TWSG1: variants seen among roughly 807,000 people sequenced by gnomAD.
TWSG1 encodes twisted gastrulation protein homolog 1.
A neutral mutation model predicts 23.0 loss-of-function variants in TWSG1; 15 were observed. The observed-to-expected ratio is 0.65, with a 90% CI of 0.44 to 1.00. TWSG1 has a LOEUF of 1.00. TWSG1 is among the 50% of genes least tolerant of loss of function. The pLI, the probability that TWSG1 is intolerant of heterozygous loss-of-function variation, is 0.00. For missense variants in TWSG1, 242 were observed against 278.7 expected, an observed-to-expected ratio of 0.87 and a Z score of 0.94; for synonymous variants, 86 against 92.8, an observed-to-expected ratio of 0.93 and a Z score of 0.42.
chr18:9,345,705 C>G (rs1235244819), intron 2 of TWSG1, among the ~76,000 whole-genome samples: 2 of 152,056 alleles, frequency 1.3e-5, no homozygotes, highest in Non-Finnish European at 2.9e-5. Flanking sequence ...CAACTTTGTA[C>G]TTTTTCAAGA....
chr18:9,351,087 C>G (rs8097654), intron 2 of TWSG1, among the ~76,000 whole-genome samples: 1 of 151,850 alleles, frequency 6.6e-6, no homozygotes, highest in Non-Finnish European at 1.5e-5. Context: ...TAGCTCAAGA[C>G]ATTATAAATA....
chr18:9,374,401 C>A (rs1185924361), intron 3 of TWSG1, among the ~76,000 whole-genome samples: 2 of 152,164 alleles, frequency 1.3e-5, no homozygotes, highest in Non-Finnish European at 2.9e-5. Context: ...GCTATGAAAA[C>A]TCTTTGCCCA....
At chr18:9,349,915 G>T (rs971543524) in intron 2 of TWSG1, among the ~76,000 whole-genome samples, 1 of 152,196 alleles carries the variant, frequency 6.6e-6, no homozygotes, top group East Asian at 1.9e-4. Context: ...GCTGAGGCGG[G>T]CAGGTCACAA....
intron 3 of TWSG1, among the ~76,000 whole-genome samples, chr18:9,361,366 C>A (rs1048538441): frequency 7.2e-5 from 11 of 152,190 alleles, no homozygotes; most frequent in African/African-American, 2.7e-4. Context: ...CTACTCCTTG[C>A]ATGATTTCCA....
At chr18:9,390,470 CTTT>C (rs1222358272) in intron 3 of TWSG1, among the ~76,000 whole-genome samples, 18 of 151,964 alleles carry the variant, frequency 1.2e-4, no homozygotes, top group African/African-American at 2.4e-5. Context: ...CTTCTTTCTT[CTTT>C]TTTTAAATAG....
At chr18:9,359,799 A>C (rs898657332) in intron 2 of TWSG1, among the ~76,000 whole-genome samples, 173 bp from the exon 3 acceptor site, 1 of 152,242 alleles carries the variant, frequency 6.6e-6, no homozygotes, top group Non-Finnish European at 1.5e-5. Flanking sequence ...AAAAAAATCT[A>C]CGTGACATTG....
In TWSG1 at chr18:9,402,316, G is replaced by T. The variant is rs1219978681; in HGVS notation, c.*2789G>T. On this transcript the variant is annotated 3_prime_UTR_variant, in exon 5 of 5. Transcript: ENST00000262120. Reference sequence around the variant, plus strand: ...TGAAATCTATTCTGCATTCCCAAGAGTTTATGTTTATTGTATTTTATATGA... The same window carrying T: ...TGAAATCTATTCTGCATTCCCAAGATTTTATGTTTATTGTATTTTATATGA... The T allele has an allele frequency of 6.6e-6, 1 of 151,990 alleles. No individual in the cohort carries two copies. The highest frequency in any genetic ancestry group is 1.5e-5 in the Non-Finnish European group (1 of 67,976). The allele number at this position is 151,990 out of a possible 1,614,324, so 9.4% of individuals were successfully genotyped here.
intron 3 of TWSG1, among the ~76,000 whole-genome samples, chr18:9,379,590 A>G (rs1475120186): frequency 6.6e-6 from 1 of 152,216 alleles, no homozygotes; most frequent in Admixed American, 6.5e-5. Context: ...GTGATGAAAT[A>G]ACCTGTACAC....
At chr18:9,370,182 G>A (rs190610886) in intron 3 of TWSG1, among the ~76,000 whole-genome samples, 2 of 152,094 alleles carry the variant, frequency 1.3e-5, no homozygotes, top group East Asian at 3.9e-4. Context: ...GCTGGGTGTG[G>A]TGGTGTGTAC....
intron 2 of TWSG1, among the ~76,000 whole-genome samples, chr18:9,356,226 C>G (rs1009192176): frequency 6.6e-6 from 1 of 152,164 alleles, no homozygotes; most frequent in African/African-American, 2.4e-5. Context: ...GCATATTACT[C>G]TCTTACACCA....
chr18:9,362,087 A>G (rs983134964), intron 3 of TWSG1, among the ~76,000 whole-genome samples: 8 of 152,216 alleles, frequency 5.3e-5, no homozygotes, highest in Non-Finnish European at 2.9e-5. Context: ...GTCCTCTTAT[A>G]TTCATCTTGG....
chr18:9,363,749 C>T lies in TWSG1; in HGVS notation c.223+3678C>T, dbSNP rs1278182290. Among the ~76,000 whole-genome samples the T allele has an allele frequency of 2.0e-5, 3 of 152,066 alleles. No homozygotes were observed. In the East Asian group the frequency reaches 5.8e-4, roughly 29 times the overall value. On this transcript the variant is annotated intron_variant, in intron 3 of 4. Transcript: ENST00000262120. Reference sequence around the variant, plus strand: ...CAAGTGATTCTCCTGCCTCAGCCTCCCAGGTAGCTGGGACTACAGACACAC... The same window carrying T: ...CAAGTGATTCTCCTGCCTCAGCCTCTCAGGTAGCTGGGACTACAGACACAC...
chr18:9,341,204 A>T (rs1302119570), intron 2 of TWSG1, among the ~76,000 whole-genome samples: 1 of 152,202 alleles, frequency 6.6e-6, no homozygotes, highest in Non-Finnish European at 1.5e-5. Flanking sequence ...TGTGGATGGG[A>T]TATAATGGTG....
chr18:9,384,229 T>A (rs1437064623), intron 3 of TWSG1, among the ~76,000 whole-genome samples: 2 of 152,168 alleles, frequency 1.3e-5, no homozygotes, highest in Admixed American at 6.5e-5. Flanking sequence ...GGCTTCTGTT[T>A]ATGTGACTGG....
chr18:9,335,596 A>G (rs1218558731), intron 1 of TWSG1, among the ~76,000 whole-genome samples: 1 of 152,192 alleles, frequency 6.6e-6, no homozygotes, highest in Admixed American at 6.5e-5. Context: ...TTAGTCTCCA[A>G]ATAACCTTAT....
At position 9,402,249 on chromosome 18, in the gene TWSG1, C is replaced by G. The variant is rs2040765901; in HGVS notation, c.*2722C>G. 1 of 152,090 alleles carries G rather than the reference C, an allele frequency of 6.6e-6. No homozygotes were observed. Among genetic ancestry groups the G allele is most frequent in the Non-Finnish European group, 1.5e-5 (1 of 68,008 alleles). 9.4% of individuals were successfully genotyped at this position (152,090 alleles called of 1,614,324 possible). On this transcript the variant is annotated 3_prime_UTR_variant, in exon 5 of 5. Transcript: ENST00000262120. Reference sequence around the variant, plus strand: ...GAAAAAATGCAGTAAATATAAGCCACATTTCTAAAGTTTATTTTTATGAAA... The same window carrying G: ...GAAAAAATGCAGTAAATATAAGCCAGATTTCTAAAGTTTATTTTTATGAAA...
At chr18:9,335,204 G>A (rs986734679) in intron 1 of TWSG1, among the ~76,000 whole-genome samples, 6 of 152,134 alleles carry the variant, frequency 3.9e-5, no homozygotes, top group African/African-American at 7.2e-5. Flanking sequence ...GGGTGGGGGT[G>A]GTTCCGGGTG....
intron 3 of TWSG1, among the ~76,000 whole-genome samples, chr18:9,377,209 G>C (rs1050944100): frequency 4.0e-5 from 6 of 151,468 alleles, no homozygotes; most frequent in South Asian, 4.2e-4. Context: ...AGTCTGTTTT[G>C]TTTTTCTTTT....
At chr18:9,372,300 T>C (rs2040609547) in intron 3 of TWSG1, among the ~76,000 whole-genome samples, 1 of 151,254 alleles carries the variant, frequency 6.6e-6, no homozygotes, top group Non-Finnish European at 1.5e-5. Flanking sequence ...TATGATACAG[T>C]TTAATTTATA....
Sources: allele counts gnomAD v4.1 joint callset (sites outside exome capture counted in the v4.1 genomes callset), GRCh38; gene constraint gnomAD v4.1.1; transcripts MANE v1.5; gene names NCBI Gene and HGNC (gene_info 2026-07-23, HGNC 2026-07-21).